Variants in CADPS observed in about 807,000 individuals in gnomAD.
The protein encoded by CADPS is calcium-dependent secretion activator 1.
In CADPS, 57 loss-of-function variants were observed where a neutral mutation model predicts 167.3. That is an observed-to-expected ratio of 0.34 (90% confidence interval 0.28 to 0.42). CADPS has a LOEUF of 0.42. Among genes scored for constraint, CADPS ranks in the 20% least tolerant of loss-of-function variants. The pLI, the probability that CADPS is intolerant of heterozygous loss-of-function variation, is 1.00. For synonymous variants in CADPS, 676 were observed against 635.3 expected (o/e 1.06, Z -0.96); for missense variants, 1,414 against 1,738.1 (o/e 0.81, Z 3.32).
rs1050831980 is a variant in CADPS at position 62,421,343 on chromosome 3, G to A, written c.3777+16761C>T. Among the ~76,000 whole-genome samples, 6 of 152,056 alleles carry A rather than the reference G, an allele frequency of 3.9e-5. No individual in the cohort carries two copies. The highest frequency in any genetic ancestry group is 1.4e-4 in the African/African-American group (6 of 41,408). Reference sequence around the variant, plus strand: ...TGAATAAGCTCTCAGTACTTGAGGCGCACAGCGAGCGCCTGAATGGGGCAA... The same window carrying A: ...TGAATAAGCTCTCAGTACTTGAGGCACACAGCGAGCGCCTGAATGGGGCAA... On this transcript the variant is annotated intron_variant, in intron 28 of 29. Transcript: ENST00000383710. This position sits in a 1 kb window ranked among gnomAD's most constrained non-coding sequence, Gnocchi z 4.7.
Position 62,544,916 on chromosome 3 carries a change from A to T in CADPS, c.1966+4987T>A. 4 of 1,114,782 alleles carry T rather than the reference A, an allele frequency of 3.6e-6. No individual in the cohort carries two copies. Among genetic ancestry groups the T allele is most frequent in the Non-Finnish European group, 4.6e-6 (4 of 877,722 alleles). 69.1% of individuals were successfully genotyped at this position (1,114,782 alleles called of 1,614,324 possible). On this transcript the variant is annotated intron_variant, in intron 11 of 29. Transcript: ENST00000383710. The surrounding 1 kb of genome is among the most constrained non-coding windows in gnomAD (Gnocchi z 4.4). ...CAGAATAACATAAAGACTAGCAACA[A>T]GGCTCAGGAAAGCAGACAGGAGTTC...
intron 3 of CADPS, among the ~76,000 whole-genome samples, chr3:62,711,637 A>T (rs561042058): frequency 9.2e-5 from 14 of 152,368 alleles, no homozygotes; most frequent in Admixed American, 2.6e-4. Context: ...GGAAGGCTGA[A>T]GTGATTGTCC....
intron 27 of CADPS, among the ~76,000 whole-genome samples, chr3:62,442,917 T>C (rs1420087583): frequency 1.3e-5 from 2 of 152,206 alleles, no homozygotes; most frequent in East Asian, 3.8e-4. Flanking sequence ...AATGTACATA[T>C]AGAATATACG....
chr3:62,796,243 C>G, intron 1 of CADPS: 1 of 152,196 alleles, frequency 6.6e-6, no homozygotes, highest in East Asian at 1.9e-4. Context: ...TCAATTCATC[C>G]CTCCTTAGGC....
At chr3:62,491,316 G>T in intron 21 of CADPS, 23 bp downstream of exon 21, 1 of 1,611,528 alleles carries the variant, frequency 6.2e-7, no homozygotes, top group Non-Finnish European at 8.5e-7. Context: ...AAACTCCGAT[G>T]GTATCAAAAA....
intron 6 of CADPS, among the ~76,000 whole-genome samples, chr3:62,603,046 G>A (rs1019300212): frequency 6.6e-6 from 1 of 152,198 alleles, no homozygotes; most frequent in Non-Finnish European, 1.5e-5. Context: ...GGTGGAACAT[G>A]AAAACTTCAC....
chr3:62,706,214 C>G (rs879738072), intron 3 of CADPS, among the ~76,000 whole-genome samples: 2 of 152,130 alleles, frequency 1.3e-5, no homozygotes, highest in African/African-American at 4.8e-5. Context: ...TCTAATGAAG[C>G]CTACCATGAT....
chr3:62,624,765 T>C (rs1273403677), intron 6 of CADPS, among the ~76,000 whole-genome samples: 5 of 152,216 alleles, frequency 3.3e-5, no homozygotes, highest in East Asian at 3.9e-4. Context: ...AATATCTACT[T>C]CACAGAATTG....
In CADPS at chr3:62,753,477, C is replaced by T. The variant is rs753717492; in HGVS notation, c.852G>A (p.Lys284=). 1.9e-6 allele frequency: 3 copies of T among 1,613,664 alleles called. No individual in the cohort carries two copies. In the South Asian group the frequency reaches 3.3e-5, roughly 18 times the overall value. The stretch of plus-strand genomic sequence containing the variant: ...TGTAAAGGAGCTGATGTTCGAACTT[C>T]TTGATCCCAAGAATGTTCTGGAACA... ...YEMFQNILGI[K]KFEHQLLYNA... The change falls in exon 3 of 30, where the codon AAG becomes AAA. Residue 284 remains lysine, a synonymous_variant. Transcript: ENST00000383710. The surrounding 1 kb of genome is among the most constrained non-coding windows in gnomAD (Gnocchi z 4.6).
At chr3:62,459,173 T>C (rs1247688713) in intron 26 of CADPS, among the ~76,000 whole-genome samples, 4 of 152,222 alleles carry the variant, frequency 2.6e-5, no homozygotes, top group Admixed American at 2.0e-4. Context: ...GCGGTGTTTT[T>C]TGGTTGGCCC....
intron 23 of CADPS, 52 bp from the exon 24 acceptor site, chr3:62,474,372 T>A: frequency 6.4e-7 from 1 of 1,564,438 alleles, no homozygotes; most frequent in Non-Finnish European, 8.8e-7. Flanking sequence ...TGGCAGCAGG[T>A]GGAGGAGATA....
At chr3:62,414,742 G>A (rs1354678581) in intron 28 of CADPS, among the ~76,000 whole-genome samples, 1 of 152,222 alleles carries the variant, frequency 6.6e-6, no homozygotes, top group Non-Finnish European at 1.5e-5. Flanking sequence ...GGGAAGGAAG[G>A]GCTGGGAGCC....
At chr3:62,488,020 A>T (rs570726652) in intron 21 of CADPS, among the ~76,000 whole-genome samples, 1 of 152,318 alleles carries the variant, frequency 6.6e-6, no homozygotes, top group South Asian at 2.1e-4. Context: ...GAAAAGAAGA[A>T]GAACAGAACT....
intron 1 of CADPS, among the ~76,000 whole-genome samples, chr3:62,791,020 A>G (rs1333288769): frequency 6.6e-6 from 1 of 150,548 alleles, no homozygotes; most frequent in East Asian, 2.0e-4. Context: ...ATACGTATTT[A>G]TCAGTATTCT....
intron 9 of CADPS, among the ~76,000 whole-genome samples, chr3:62,561,225 A>G (rs2079100927): frequency 6.6e-6 from 1 of 151,912 alleles, no homozygotes; most frequent in African/African-American, 2.4e-5. Context: ...AGTGGGCCTT[A>G]GGATTATACA....
chr3:62,547,586 G>GGCCC (rs2076665969), intron 11 of CADPS, among the ~76,000 whole-genome samples: 2 of 31,448 alleles, frequency 6.4e-5, no homozygotes, highest in African/African-American at 1.4e-4. Flanking sequence ...TATCATTTAC[G>GGCCC]CCCCCCCCCC....
At chr3:62,848,766 CT>C (rs1287909559) in intron 1 of CADPS, among the ~76,000 whole-genome samples, 1 of 107,328 alleles carries the variant, frequency 9.3e-6, no homozygotes, top group Non-Finnish European at 1.9e-5. Flanking sequence ...AATGCGGGCT[CT>C]TTTTTGGTTC....
intron 9 of CADPS, 97 bp downstream of exon 9, chr3:62,570,775 G>A: frequency 1.2e-6 from 1 of 822,606 alleles, no homozygotes; most frequent in Non-Finnish European, 2.1e-6. Flanking sequence ...AAATGCATGA[G>A]CTCTGTGTAT....
chr3:62,700,706 A>G (rs774971341), intron 3 of CADPS, among the ~76,000 whole-genome samples: 2 of 152,090 alleles, frequency 1.3e-5, no homozygotes, highest in African/African-American at 4.8e-5. Flanking sequence ...CAGCGACTCT[A>G]TGAAGGACAT....
Sources: gnomAD v4.1 joint callset for allele counts (sites outside exome capture counted in the v4.1 genomes callset) on GRCh38, gnomAD v4.1.1 for gene constraint, Gnocchi (gnomAD v3.1) non-coding constraint, MANE v1.5 for transcripts, NCBI Gene and HGNC (gene_info 2026-07-23, HGNC 2026-07-21) for gene names.